BRD10: variants seen among roughly 807,000 people sequenced by gnomAD.
The protein encoded by BRD10 is bromodomain containing 10.
the BRD10 span, among the ~76,000 whole-genome samples, chr9:6,006,455 T>C: frequency 6.6e-6 from 1 of 152,248 alleles, no homozygotes; most frequent in East Asian, 1.9e-4. Context: ...TATACAATTA[T>C]TATAAAACAA....
At chr9:5,954,334 T>C in the BRD10 span, among the ~76,000 whole-genome samples, 1 of 152,306 alleles carries the variant, frequency 6.6e-6, no homozygotes, top group East Asian at 1.9e-4. Context: ...ACGATTACCA[T>C]CTCCAATGTG....
At chr9:5,932,293 C>T in the BRD10 span, among the ~76,000 whole-genome samples, 1 of 151,342 alleles carries the variant, frequency 6.6e-6, no homozygotes. Flanking sequence ...TGTTTCATCT[C>T]GGATGAAATT....
At chr9:5,991,445 G>A in the BRD10 span, among the ~76,000 whole-genome samples, 3 of 152,024 alleles carry the variant, frequency 2.0e-5, no homozygotes, top group Non-Finnish European at 2.9e-5. Flanking sequence ...AACCAGGGCC[G>A]CGTGCAGTCA....
the BRD10 span, among the ~76,000 whole-genome samples, chr9:5,925,070 T>C: frequency 6.6e-6 from 1 of 152,022 alleles, no homozygotes; most frequent in Non-Finnish European, 1.5e-5. Context: ...AAAAATTATA[T>C]GTATCTGGCC....
At chr9:5,894,962 G>A in the BRD10 span, among the ~76,000 whole-genome samples, 1 of 152,222 alleles carries the variant, frequency 6.6e-6, no homozygotes, top group Admixed American at 6.5e-5. The surrounding 1 kb of genome is among the most constrained non-coding windows in gnomAD (Gnocchi z 4.0). Context: ...CAAGCTTTCT[G>A]TGTCTTGCAA....
chr9:5,950,852 A>C, the BRD10 span, among the ~76,000 whole-genome samples: 1 of 152,124 alleles, frequency 6.6e-6, no homozygotes, highest in Admixed American at 6.6e-5. Flanking sequence ...GGTCATCTCT[A>C]CATTACTTAT....
At chr9:6,007,603 G>T in the BRD10 span, 1 of 1,606,224 alleles carries the variant, frequency 6.2e-7, no homozygotes. Context: ...GATCACCATC[G>T]CCTCCATCTC....
the BRD10 span, among the ~76,000 whole-genome samples, chr9:5,928,132 G>A: frequency 1.3e-5 from 2 of 152,040 alleles, no homozygotes; most frequent in South Asian, 4.1e-4. Context: ...CAAAAATAGT[G>A]GGTATCATCT....
the BRD10 span, among the ~76,000 whole-genome samples, chr9:5,900,070 A>T: frequency 6.6e-6 from 1 of 152,266 alleles, no homozygotes; most frequent in Non-Finnish European, 1.5e-5. Context: ...AAAGCTATAC[A>T]AACTCAATAT....
chr9:5,884,368 G>T, the BRD10 span, among the ~76,000 whole-genome samples: 14 of 152,140 alleles, frequency 9.2e-5, no homozygotes, highest in African/African-American at 3.4e-4. Context: ...AGGCCCTGTG[G>T]CGCCCAGGAC....
At chr9:5,906,939 G>C in the BRD10 span, 3 of 1,598,020 alleles carry the variant, frequency 1.9e-6, no homozygotes. Context: ...ATGCCCACAA[G>C]AAGGGTTTGA....
the BRD10 span, among the ~76,000 whole-genome samples, chr9:6,004,187 C>T: frequency 1.3e-5 from 2 of 152,186 alleles, no homozygotes; most frequent in East Asian, 3.9e-4. Flanking sequence ...CCACATTCAC[C>T]CCTTCCGCTT....
the BRD10 span, among the ~76,000 whole-genome samples, chr9:5,980,523 T>G: frequency 3.9e-5 from 6 of 152,130 alleles, no homozygotes; most frequent in Non-Finnish European, 8.8e-5. Flanking sequence ...GCCTACTGTA[T>G]AAAAATTAAA....
At chr9:5,915,120 A>C in the BRD10 span, among the ~76,000 whole-genome samples, 1 of 152,166 alleles carries the variant, frequency 6.6e-6, no homozygotes, top group Non-Finnish European at 1.5e-5. Flanking sequence ...AATGTTTCTA[A>C]ATTTTATACA....
At chr9:5,978,567 C>G in the BRD10 span, among the ~76,000 whole-genome samples, 1 of 152,130 alleles carries the variant, frequency 6.6e-6, no homozygotes, top group African/African-American at 2.4e-5. Flanking sequence ...TCTTATTTAT[C>G]TGACAACAAC....
the BRD10 span, among the ~76,000 whole-genome samples, chr9:5,969,777 C>T: frequency 6.6e-6 from 1 of 152,164 alleles, no homozygotes; most frequent in East Asian, 1.9e-4. Context: ...AACTCCTGAC[C>T]TCAGGTGATC....
chr9:5,930,275 A>G, the BRD10 span, among the ~76,000 whole-genome samples: 5 of 151,378 alleles, frequency 3.3e-5, no homozygotes, highest in Non-Finnish European at 5.9e-5. Flanking sequence ...GTCCATTTGC[A>G]TATAAGTAGA....
chr9:5,945,722 T>C, the BRD10 span, among the ~76,000 whole-genome samples: 1 of 152,104 alleles, frequency 6.6e-6, no homozygotes, highest in African/African-American at 2.4e-5. Flanking sequence ...TTAGTTTTTG[T>C]AAAATTATAC....
the BRD10 span, among the ~76,000 whole-genome samples, chr9:5,961,008 T>C: frequency 6.6e-6 from 1 of 152,296 alleles, no homozygotes; most frequent in African/African-American, 2.4e-5. Context: ...TTTGAAAAAG[T>C]GTTGAAAGAT....
Sources: allele counts gnomAD v4.1 joint callset (sites outside exome capture counted in the v4.1 genomes callset), GRCh38; gene constraint gnomAD v4.1.1; non-coding constraint Gnocchi (gnomAD v3.1); transcripts MANE v1.5; gene names NCBI Gene and HGNC (gene_info 2026-07-23, HGNC 2026-07-21).